The following XIRP2 variants were observed in gnomAD, a reference collection of about 807,000 sequenced individuals.
XIRP2 encodes xin actin binding repeat containing 2, also known as xin actin-binding repeat-containing protein 2.
In XIRP2, 236 loss-of-function variants were observed where a neutral mutation model predicts 277.0. The observed-to-expected ratio is 0.85, with a 90% CI of 0.77 to 0.95. The LOEUF is 0.95. Among genes scored for constraint, XIRP2 ranks in the 40% least tolerant of loss-of-function variants. The pLI is 0.00. For missense variants in XIRP2, 4,640 were observed against 4,157.5 expected (o/e 1.12, Z -3.19); for synonymous variants, 1,490 against 1,416.5 (o/e 1.05, Z -1.17).
intron 2 of XIRP2, among the ~76,000 whole-genome samples, chr2:167,014,488 T>C (rs1051768667): frequency 2.0e-5 from 3 of 151,714 alleles, no homozygotes; most frequent in Non-Finnish European, 4.4e-5. Context: ...ATGATTGTGT[T>C]TTAAAAATCT....
At chr2:167,048,284 C>T (rs952923766) in intron 2 of XIRP2, among the ~76,000 whole-genome samples, 3 of 151,938 alleles carry the variant, frequency 2.0e-5, no homozygotes, top group Non-Finnish European at 4.4e-5. Flanking sequence ...ACTTGTTCTG[C>T]AAAACTCTCT....
rs576775654 is a variant in XIRP2 at position 167,170,062 on chromosome 2, A to T, written c.562+34000A>T. Among the ~76,000 whole-genome samples, 174 of 152,220 alleles carry T rather than the reference A, an allele frequency of 1.1e-3. 1 individual carries two copies. Among genetic ancestry groups the T allele is most frequent in the Non-Finnish European group, 1.8e-3 (121 of 68,002 alleles). On this transcript the variant is annotated intron_variant, in intron 3 of 10. Transcript: ENST00000409195. ...GGAATTTTGTACCTGCTCTTTGTTGAGTTTCATATTAGTCTTTGTTGAGAG... is the reference window on the plus strand; with the variant it reads ...GGAATTTTGTACCTGCTCTTTGTTGTGTTTCATATTAGTCTTTGTTGAGAG...
chr2:166,974,631 G>A (rs76028682), intron 2 of XIRP2, among the ~76,000 whole-genome samples: 4,565 of 151,992 alleles, frequency 0.03, 97 homozygotes, highest in East Asian at 0.078. Context: ...AATGCTTCTA[G>A]ATGAAAAGTG....
chr2:167,012,980 CT>C (rs1160715967), intron 2 of XIRP2, among the ~76,000 whole-genome samples: 1 of 150,628 alleles, frequency 6.6e-6, no homozygotes, highest in African/African-American at 2.4e-5. Context: ...CATGTTCTTC[CT>C]TCTTGGTGGT....
intron 2 of XIRP2, among the ~76,000 whole-genome samples, chr2:166,980,547 G>A (rs1686836561): frequency 6.6e-6 from 1 of 152,076 alleles, no homozygotes; most frequent in Non-Finnish European, 1.5e-5. Context: ...CTCCCGAGTA[G>A]CTGGAATTAC....
At chr2:167,118,021 T>C (rs571530679) in intron 2 of XIRP2, among the ~76,000 whole-genome samples, 136 of 152,280 alleles carry the variant, frequency 8.9e-4, no homozygotes, top group African/African-American at 3.1e-3. Flanking sequence ...AATTTAGAAA[T>C]CAATATCTGG....
At chr2:167,053,916 T>C (rs1439319205) in intron 2 of XIRP2, among the ~76,000 whole-genome samples, 1 of 152,164 alleles carries the variant, frequency 6.6e-6, no homozygotes, top group African/African-American at 2.4e-5. Context: ...GCAAAAAAAT[T>C]GTCACATTTT....
intron 1 of XIRP2, among the ~76,000 whole-genome samples, chr2:166,893,810 G>C (rs1048476089): frequency 5.9e-5 from 9 of 152,054 alleles, no homozygotes; most frequent in Admixed American, 6.6e-5. Flanking sequence ...GTTTCAAATT[G>C]ATACATAACT....
intron 2 of XIRP2, among the ~76,000 whole-genome samples, chr2:167,084,762 G>T (rs1689872188): frequency 6.7e-6 from 1 of 150,066 alleles, no homozygotes; most frequent in Non-Finnish European, 1.5e-5. Context: ...ATGGTAGTTT[G>T]TATTTCTGTG....
At chr2:167,187,911 G>A (rs1050378652) in intron 3 of XIRP2, among the ~76,000 whole-genome samples, 3 of 152,088 alleles carry the variant, frequency 2.0e-5, no homozygotes, top group Admixed American at 2.0e-4. Flanking sequence ...GTATTTCTTG[G>A]AATTTGTTGA....
chr2:167,170,894 CTTTTTTTTTT>C (rs773187641), intron 3 of XIRP2, among the ~76,000 whole-genome samples: 1 of 92,702 alleles, frequency 1.1e-5, no homozygotes, highest in Non-Finnish European at 2.0e-5. Context: ...TGCCTTTCTT[CTTTTTTTTTT>C]TTTTTTTTTT....
chr2:166,959,107 T>A lies in XIRP2; in HGVS notation c.408+55217T>A, dbSNP rs1261402127. 1.8e-4 allele frequency among the ~76,000 whole-genome samples: 28 copies of A among 151,950 alleles called. 1 individual carries two copies. The highest frequency in any genetic ancestry group is 5.9e-5 in the Non-Finnish European group (4 of 67,824). On this transcript the variant is annotated intron_variant, in intron 2 of 10. Transcript: ENST00000409195. ...TGTGGTGATTGCCATCACTATGTAC[T>A]CGAGAGAATGTATTTTTTAATGTAT...
At chr2:167,103,764 A>T (rs1690545578) in intron 2 of XIRP2, among the ~76,000 whole-genome samples, 1 of 152,170 alleles carries the variant, frequency 6.6e-6, no homozygotes, top group South Asian at 2.1e-4. Context: ...GCTAGCTGGT[A>T]TGTCTTTGCC....
intron 4 of XIRP2, among the ~76,000 whole-genome samples, chr2:167,217,580 G>C (rs1250304440): frequency 6.6e-6 from 1 of 152,028 alleles, no homozygotes; most frequent in Non-Finnish European, 1.5e-5. Flanking sequence ...TAAAATGTGG[G>C]TAATAGGTGT....
In XIRP2 at chr2:167,213,799, G is replaced by A. The variant is rs990647242; in HGVS notation, c.723+2904G>A. ...CACATGTGTAAACTTTCATCTACCC[G>A]CAAGTGGAACAAGGAAACCTTAGCA... On this transcript the variant is annotated intron_variant, in intron 4 of 10. Transcript: ENST00000409195. Among the ~76,000 whole-genome samples, 5 of 152,096 alleles carry A rather than the reference G, an allele frequency of 3.3e-5. No individual in the cohort carries two copies. In the East Asian group the frequency reaches 5.8e-4, roughly 18 times the overall value.
chr2:167,089,252 A>G (rs1690071073), intron 2 of XIRP2, among the ~76,000 whole-genome samples: 1 of 152,120 alleles, frequency 6.6e-6, no homozygotes, highest in South Asian at 2.1e-4. Flanking sequence ...AGCAAAGACA[A>G]CTTTTTCTAA....
chr2:167,000,755 A>C (rs545780876), intron 2 of XIRP2, among the ~76,000 whole-genome samples: 8 of 152,240 alleles, frequency 5.3e-5, no homozygotes, highest in Admixed American at 5.2e-4. Context: ...AATTGTTTCA[A>C]ATTTGGACAT....
intron 2 of XIRP2, among the ~76,000 whole-genome samples, chr2:167,053,464 A>G (rs909016829): frequency 2.6e-5 from 4 of 151,912 alleles, no homozygotes; most frequent in African/African-American, 7.3e-5. Flanking sequence ...ACAGGGTGCA[A>G]TGGGTTGTTT....
At chr2:167,240,009 T>G in intron 6 of XIRP2, 44 bp downstream of exon 6, 1 of 1,501,030 alleles carries the variant, frequency 6.7e-7, no homozygotes. Context: ...TTTCCAGGAC[T>G]GTATGGAAAT....
Sources: gnomAD v4.1 joint callset for allele counts (sites outside exome capture counted in the v4.1 genomes callset) on GRCh38, gnomAD v4.1.1 for gene constraint, MANE v1.5 for transcripts, NCBI Gene and HGNC (gene_info 2026-07-23, HGNC 2026-07-21) for gene names.